The following LRP10 variants were observed in gnomAD, a reference collection of about 807,000 sequenced individuals.
The protein encoded by LRP10 is low-density lipoprotein receptor-related protein 10.
LRP10 carries 42 observed loss-of-function variants against 58.5 expected under a neutral mutation model. The observed-to-expected ratio is 0.72, with a 90% CI of 0.56 to 0.93. LRP10 has a LOEUF of 0.93. LRP10 is among the 40% of genes least tolerant of loss of function. LRP10 has a pLI of 0.00. For missense variants in LRP10, 872 were observed against 940.1 expected (o/e 0.93, Z 0.95); for synonymous variants, 377 against 388.5 (o/e 0.97, Z 0.35).
chr14:22,872,597 G>C, intron 1 of LRP10, 141 bp from the exon 2 acceptor site: 3 of 801,902 alleles, frequency 3.7e-6, no homozygotes, highest in East Asian at 2.7e-5. Flanking sequence ...GAAGTCCCAC[G>C]CCGCAGCCCT....
intron 6 of LRP10, 35 bp from the exon 7 acceptor site, chr14:22,876,905 C>G (rs2040012979): frequency 1.3e-6 from 2 of 1,582,560 alleles, no homozygotes; most frequent in South Asian, 2.3e-5. Context: ...CAGCCTTTGG[C>G]CCTCTGACTC....
chr14:22,875,564 C>G lies in LRP10; in HGVS notation c.616C>G (p.Pro206Ala). The G allele has an allele frequency of 6.2e-7, 1 of 1,614,106 alleles. No homozygotes were observed. The highest frequency in any genetic ancestry group is 8.5e-7 in the Non-Finnish European group (1 of 1,179,956). Residue 206 changes from proline (P) to alanine (A), a missense_variant, in exon 5 of 7, where the codon CCT (proline) becomes GCT (alanine). Transcript: ENST00000359591. ...LEDFYGVFSS[P>A]GYTHLASVSH... ...GGACTTCTATGGGGTCTTCTCCTCT[C>G]CTGGATATACACACCTAGCCTCAGT...
At chr14:22,872,676 G>A in intron 1 of LRP10, 62 bp from the exon 2 acceptor site, 3 of 1,555,162 alleles carry the variant, frequency 1.9e-6, no homozygotes, top group South Asian at 2.2e-5. Flanking sequence ...GAGTTGCTCA[G>A]GTGAAGAAGA....
rs1237995661 is a variant in LRP10 at position 22,879,699 on chromosome 14, G to A, written c.*2172G>A. The A allele has an allele frequency of 6.4e-6, 1 of 155,774 alleles. No homozygotes were observed. The highest frequency in any genetic ancestry group is 1.4e-5 in the Non-Finnish European group (1 of 69,960). The allele number at this position is 155,774 out of a possible 1,614,324, so 9.6% of individuals were successfully genotyped here. A position where few individuals can be genotyped will look rare whatever the true frequency, so the allele number is the denominator to read the frequency against. ...GGAGGCTTGTGCTTATAGATCAGTG[G>A]GCCTGAAAGAAGTTTCTCTAGGTTC... On this transcript the variant is annotated 3_prime_UTR_variant, in exon 7 of 7. Coordinates refer to ENST00000359591, the MANE Select transcript of LRP10 (RefSeq NM_014045.5).
In LRP10 at chr14:22,880,428, G is replaced by A. The variant is rs1236381276; in HGVS notation, c.*2901G>A. On this transcript the variant is annotated 3_prime_UTR_variant, in exon 7 of 7. Transcript: ENST00000359591. Reference sequence around the variant, plus strand: ...CTCAGTCCTTAAGAAACAAAATTCTGCCAGGCGCAGTAGCTCACACCTGTA... The same window carrying A: ...CTCAGTCCTTAAGAAACAAAATTCTACCAGGCGCAGTAGCTCACACCTGTA... 1 of 152,006 alleles carries A rather than the reference G, an allele frequency of 6.6e-6. No homozygotes were observed. The highest frequency in any genetic ancestry group is 2.4e-5 in the African/African-American group (1 of 41,344). The allele number at this position is 152,006 out of a possible 1,614,324, so 9.4% of individuals were successfully genotyped here.
At position 22,877,386 on chromosome 14, in the gene LRP10, G is replaced by T. The variant is rs764982085; in HGVS notation, c.2001G>T (p.Gly667=). 7 of 1,613,534 alleles carry T rather than the reference G, an allele frequency of 4.3e-6. No individual in the cohort carries two copies. The highest frequency in any genetic ancestry group is 4.0e-5 in the African/African-American group (3 of 74,936). ...ALRGRLLPSL[G]PPGPTRSPPG... ...GAGGCCGCCTGTTGCCCAGCCTGGG[G>T]CCCCCAGGACCAACCCGGAGCCCCC... is the stretch of plus-strand genomic sequence containing the variant. Residue 667 remains glycine (G), a synonymous_variant, in exon 7 of 7, where the codon GGG becomes GGT. Transcript: ENST00000359591. The surrounding 1 kb of genome is among the most constrained non-coding windows in gnomAD (Gnocchi z 5.1).
Position 22,872,219 on chromosome 14 carries a change from C to A in LRP10, c.-85C>A. 1 of 1,461,522 alleles carries A rather than the reference C, an allele frequency of 6.8e-7. No individual in the cohort carries two copies. The allele number at this position is 1,461,522 out of a possible 1,614,324, so 90.5% of individuals were successfully genotyped here. On this transcript the variant is annotated 5_prime_UTR_variant, in exon 1 of 7. Coordinates refer to ENST00000359591, the MANE Select transcript of LRP10 (RefSeq NM_014045.5). ...CCCCTGGGGAGGCGGCACCAGGGAG[C>A]CTGGGCGCCCGGGGCTCCGCCGCGA... is the stretch of plus-strand genomic sequence containing the variant.
Position 22,875,077 on chromosome 14 carries a change from T to A in LRP10, c.238T>A (p.Cys80Ser). 1 of 1,590,232 alleles carries A rather than the reference T, an allele frequency of 6.3e-7. No individual in the cohort carries two copies. The highest frequency in any genetic ancestry group is 8.6e-7 in the Non-Finnish European group (1 of 1,167,050). ...TAGGTTCCAGAAGCTACACCTGGCC[T>A]GTGGCTCAGAGCGCTTAACCCTACG... is the stretch of plus-strand genomic sequence containing the variant. ...TIRFQKLHLA[C>S]GSERLTLRSP... The change falls in exon 4 of 7, where the codon TGT becomes AGT. Residue 80 changes from cysteine (C) to serine (S), a missense_variant. By Grantham distance (112) the Cys-to-Ser change is moderately radical. Coordinates refer to ENST00000359591, the MANE Select transcript of LRP10 (RefSeq NM_014045.5).
At position 22,875,240 on chromosome 14, in the gene LRP10, G is replaced by A. The variant is rs1211391977; in HGVS notation, c.401G>A (p.Ser134Asn). The A allele has an allele frequency of 1.3e-6, 2 of 1,593,176 alleles. No individual in the cohort carries two copies. Among genetic ancestry groups the A allele is most frequent in the East Asian group, 4.5e-5 (2 of 44,606 alleles). Residue 134 changes from serine to asparagine, a missense_variant, in exon 4 of 7, where the codon AGC becomes AAC. Transcript: ENST00000359591. ...GGCCAGGGCTTCCTGCTCTCCTACAGCCAAGGTAGGCTGGACAGGGATGTC... is the reference window on the plus strand; with the variant it reads ...GGCCAGGGCTTCCTGCTCTCCTACAACCAAGGTAGGCTGGACAGGGATGTC... ...PMGQGFLLSY[S>N]QDWLMCLQEE...
At chr14:22,872,673 TC>T in intron 1 of LRP10, 64 bp from the exon 2 acceptor site, 1 of 1,537,030 alleles carries the variant, frequency 6.5e-7, no homozygotes, top group Non-Finnish European at 9.0e-7. Flanking sequence ...CTTGAGTTGC[TC>T]AGGTGAAGAA....
At position 22,876,749 on chromosome 14, in the gene LRP10, C is replaced by T. The variant is rs2040010655; in HGVS notation, c.1485C>T (p.Ser495=). The change falls in exon 6 of 7, where the codon TCC becomes TCT. Residue 495 remains serine, a synonymous_variant. Transcript: ENST00000359591. ...TTGTGCAGCAGCAGGCACCCCCTTC[C>T]TACGGGCAGCTCATTGCCCAGGGTG... ...AEIVQQQAPP[S]YGQLIAQGAI... is the part of the protein sequence containing the mutation. 4 of 1,613,856 alleles carry T rather than the reference C, an allele frequency of 2.5e-6. No homozygotes were observed. The highest frequency in any genetic ancestry group is 1.7e-4 in the Middle Eastern group (1 of 6,058).
Position 22,877,253 on chromosome 14 carries a change from C to A in LRP10, c.1868C>A (p.Pro623Gln), listed in dbSNP as rs1327351546. ...APPLPIKAPLPSASTSPAPTT... is the reference protein window; with the variant it reads ...APPLPIKAPLQSASTSPAPTT... The stretch of plus-strand genomic sequence containing the variant: ...CCACTGCCCATCAAGGCTCCCCTCC[C>A]ATCTGCTAGCACGTCTCCAGCCCCC... Residue 623 changes from proline to glutamine, a missense_variant, in exon 7 of 7, where the codon CCA becomes CAA. By Grantham distance (76) the Pro-to-Gln change is moderately conservative. Coordinates refer to ENST00000359591, the MANE Select transcript of LRP10 (RefSeq NM_014045.5). The surrounding 1 kb of genome is among the most constrained non-coding windows in gnomAD (Gnocchi z 5.1). 6.2e-7 allele frequency: 1 copy of A among 1,610,422 alleles called. No individual in the cohort carries two copies. Among genetic ancestry groups the A allele is most frequent in the Non-Finnish European group, 8.5e-7 (1 of 1,178,062 alleles).
At chr14:22,876,633 G>A (rs1184814477) in intron 5 of LRP10, 56 bp from the exon 6 acceptor site, 1 of 1,589,082 alleles carries the variant, frequency 6.3e-7, no homozygotes, top group African/African-American at 1.3e-5. Flanking sequence ...TCCAGGCTGA[G>A]GTGGTCTACT....
intron 2 of LRP10, chr14:22,873,023 C>T (rs1317610800): frequency 5.0e-6 from 3 of 603,522 alleles, no homozygotes; most frequent in African/African-American, 1.9e-5. Flanking sequence ...ATGTAGTCTC[C>T]CTGAGGGTAG....
In LRP10 at chr14:22,877,480, C is replaced by T. The variant is rs753191017; in HGVS notation, c.2095C>T (p.Pro699Ser). Residue 699 changes from proline to serine, a missense_variant, in exon 7 of 7, where the codon CCG becomes TCG. Pro to Ser is a moderately conservative substitution (Grantham distance 74). Coordinates refer to ENST00000359591, the MANE Select transcript of LRP10 (RefSeq NM_014045.5). This position sits in a 1 kb window ranked among gnomAD's most constrained non-coding sequence, Gnocchi z 5.1. ...DDVLLVPLAE[P>S]GVWVAEAEDE... ...TGTGCTACTGGTGCCACTGGCTGAG[C>T]CGGGGGTGTGGGTAGCTGAGGCAGA... The T allele has an allele frequency of 6.2e-6, 10 of 1,611,364 alleles. No homozygotes were observed. In the South Asian group the frequency reaches 9.9e-5, roughly 16 times the overall value.
rs1566491121 is a variant in LRP10, at chr14:22,872,333, C to CGG, written c.30_31insGG (p.Leu11GlyfsTer27). Reference sequence around the variant, plus strand: ...TGTTGGCCACCCTCCTCCTCCTCCTCCTTGGTAAGAACCGAAACGATACCA... The same window carrying CGG: ...TGTTGGCCACCCTCCTCCTCCTCCTCGGCTTGGTAAGAACCGAAACGATACCA... On this transcript the variant is annotated frameshift_variant, in exon 1 of 7. Transcript: ENST00000359591. LOFTEE classifies it high-confidence loss of function. 6.2e-7 allele frequency: 1 copy of CGG among 1,613,982 alleles called. No individual in the cohort carries two copies. The highest frequency in any genetic ancestry group is 8.5e-7 in the Non-Finnish European group (1 of 1,179,936).
intron 1 of LRP10, among the ~76,000 whole-genome samples, 187 bp from the exon 2 acceptor site, chr14:22,872,551 C>A (rs1264123039): frequency 1.3e-5 from 2 of 151,242 alleles, no homozygotes; most frequent in Non-Finnish European, 2.9e-5. Context: ...ACCCCACCAA[C>A]CCCACAAGGC....
At position 22,877,653 on chromosome 14, in the gene LRP10, G is replaced by A; in HGVS notation, c.*126G>A. On this transcript the variant is annotated 3_prime_UTR_variant, in exon 7 of 7. Coordinates refer to ENST00000359591, the MANE Select transcript of LRP10 (RefSeq NM_014045.5). The surrounding 1 kb of genome is among the most constrained non-coding windows in gnomAD (Gnocchi z 5.1). ...CCTGTCCCTGGATTTCAGGGACTTG[G>A]TGGGCCTCCCGTTGACCCTATGTAG... The A allele has an allele frequency of 1.4e-6, 1 of 708,528 alleles. No homozygotes were observed. Among genetic ancestry groups the A allele is most frequent in the South Asian group, 2.0e-5 (1 of 49,078 alleles). The allele number at this position is 708,528 out of a possible 1,614,324, so 43.9% of individuals were successfully genotyped here.
At position 22,875,695 on chromosome 14, in the gene LRP10, G is replaced by A. The variant is rs758230778; in HGVS notation, c.747G>A (p.Val249=). Residue 249 remains valine, a synonymous_variant, in exon 5 of 7, where the codon GTG becomes GTA. Coordinates refer to ENST00000359591, the MANE Select transcript of LRP10 (RefSeq NM_014045.5). ...TGGGCTTTGGAGATGCAGTGCATGT[G>A]TATGACGGCCCTGGGCCCCCTGAGA... ...LDLGFGDAVH[V]YDGPGPPESS... 2 of 1,614,146 alleles carry A rather than the reference G, an allele frequency of 1.2e-6. No individual in the cohort carries two copies. The highest frequency in any genetic ancestry group is 1.7e-6 in the Non-Finnish European group (2 of 1,180,018).
Sources: gnomAD v4.1 joint callset for allele counts (sites outside exome capture counted in the v4.1 genomes callset) on GRCh38, gnomAD v4.1.1 for gene constraint, Gnocchi (gnomAD v3.1) non-coding constraint, MANE v1.5 for transcripts, NCBI Gene and HGNC (gene_info 2026-07-23, HGNC 2026-07-21) for gene names.